The following ERG variants were observed in gnomAD, a reference collection of about 807,000 sequenced individuals.
ERG encodes transcriptional regulator ERG.
In ERG, 9 loss-of-function variants were observed where a neutral mutation model predicts 55.3. The ratio of observed to expected loss-of-function variants is 0.16; its 90% CI spans 0.10 to 0.28. The LOEUF (loss-of-function observed/expected upper bound fraction) is 0.28, where lower values mean the gene tolerates loss of function less well. Among genes scored for constraint, ERG ranks in the 10% least tolerant of loss-of-function variants. The pLI is 1.00. For missense variants in ERG, 434 were observed against 631.6 expected (o/e 0.69, Z 3.35); for synonymous variants, 223 against 237.3 (o/e 0.94, Z 0.55).
intron 1 of ERG, among the ~76,000 whole-genome samples, chr21:38,452,092 C>A (rs1383535490): frequency 6.6e-6 from 1 of 152,148 alleles, no homozygotes; most frequent in Non-Finnish European, 1.5e-5. Context: ...GGATTAACCT[C>A]AAAGGAAAAA....
chr21:38,572,587 C>A (rs2059965914), intron 2 of ERG, among the ~76,000 whole-genome samples: 1 of 152,076 alleles, frequency 6.6e-6, no homozygotes, highest in Non-Finnish European at 1.5e-5. Flanking sequence ...TATTCGAATT[C>A]TAATTGGTGG....
At chr21:38,442,860 T>G (rs1601409129) in intron 2 of ERG, among the ~76,000 whole-genome samples, 1 of 152,286 alleles carries the variant, frequency 6.6e-6, no homozygotes, top group East Asian at 1.9e-4. Context: ...CAGGCTGGAG[T>G]GCAGTGGCGC....
intron 1 of ERG, among the ~76,000 whole-genome samples, chr21:38,466,570 G>C (rs1022360241): frequency 6.6e-6 from 1 of 151,830 alleles, no homozygotes; most frequent in Non-Finnish European, 1.5e-5. Context: ...AGTGAGGGGG[G>C]GTCTATGTTG....
the ERG span, among the ~76,000 whole-genome samples, chr21:38,372,244 A>G: frequency 3.4e-4 from 52 of 152,148 alleles, no homozygotes; most frequent in Non-Finnish European, 6.3e-4. Flanking sequence ...CTCACTAAAG[A>G]CAAGATTTGT....
At chr21:38,646,610 G>A (rs973371857) in intron 1 of ERG, among the ~76,000 whole-genome samples, 2 of 152,138 alleles carry the variant, frequency 1.3e-5, no homozygotes, top group Non-Finnish European at 2.9e-5. Flanking sequence ...GCTACAGGGC[G>A]TGGGTGGGTT....
intron 1 of ERG, among the ~76,000 whole-genome samples, chr21:38,463,449 T>A (rs2059061377): frequency 6.6e-6 from 1 of 152,218 alleles, no homozygotes; most frequent in Admixed American, 6.5e-5. Flanking sequence ...GGGCAGAGAC[T>A]TTTTTCTATT....
At chr21:38,480,412 C>T (rs1303295703) in intron 1 of ERG, among the ~76,000 whole-genome samples, 2 of 151,986 alleles carry the variant, frequency 1.3e-5, no homozygotes, top group East Asian at 3.9e-4. Flanking sequence ...CAGAAGGGAC[C>T]AACCCAGCCA....
intron 2 of ERG, among the ~76,000 whole-genome samples, chr21:38,544,376 G>A (rs1203128179): frequency 6.6e-6 from 1 of 152,132 alleles, no homozygotes; most frequent in African/African-American, 2.4e-5. Flanking sequence ...ACAGACCCTC[G>A]CTTGCAGAGA....
intron 6 of ERG, among the ~76,000 whole-genome samples, chr21:38,397,255 G>A (rs1988266228): frequency 6.6e-6 from 1 of 152,094 alleles, no homozygotes; most frequent in African/African-American, 2.4e-5. Context: ...GCAGTCAGGG[G>A]GCTCTGGAAT....
intron 2 of ERG, among the ~76,000 whole-genome samples, chr21:38,524,893 A>G (rs1170642354): frequency 6.6e-6 from 1 of 152,220 alleles, no homozygotes; most frequent in Non-Finnish European, 1.5e-5. Flanking sequence ...TGCTCTTGAA[A>G]GAGAATTCTC....
At chr21:38,453,815 G>A (rs567149569) in intron 1 of ERG, among the ~76,000 whole-genome samples, 347 of 151,204 alleles carry the variant, frequency 2.3e-3, no homozygotes, top group South Asian at 3.6e-3. Context: ...ACCCGGGAGG[G>A]GGAGGCTGCA....
intron 1 of ERG, among the ~76,000 whole-genome samples, chr21:38,475,428 G>A (rs1228513558): frequency 6.6e-6 from 1 of 152,172 alleles, no homozygotes; most frequent in Admixed American, 6.5e-5. Flanking sequence ...AATCAAAGCA[G>A]ATGGACCCTT....
chr21:38,496,856 G>GA (rs993436035), intron 1 of ERG, among the ~76,000 whole-genome samples: 140 of 151,820 alleles, frequency 9.2e-4, no homozygotes, highest in African/African-American at 3.3e-3. Flanking sequence ...AGTTTTTTGG[G>GA]AAAAAAAACC....
chr21:38,469,756 T>C (rs777207659), intron 1 of ERG, among the ~76,000 whole-genome samples: 20 of 152,346 alleles, frequency 1.3e-4, no homozygotes, highest in Non-Finnish European at 2.6e-4. Context: ...TTATTGTCTA[T>C]GTTAATAAAG....
At chr21:38,539,107 G>A (rs2059732662) in intron 2 of ERG, among the ~76,000 whole-genome samples, 1 of 152,194 alleles carries the variant, frequency 6.6e-6, no homozygotes, top group South Asian at 2.1e-4. Context: ...TAACGATGCT[G>A]AGGCTGTAAA....
chr21:38,498,547 C>A (rs2059398133), upstream of ERG: 3 of 1,351,862 alleles, frequency 2.2e-6, no homozygotes, highest in Non-Finnish European at 2.8e-6. The surrounding 1 kb of genome is among the most constrained non-coding windows in gnomAD (Gnocchi z 4.6). Context: ...TCCTGGCTGT[C>A]CAGCCCAAAG....
intron 2 of ERG, among the ~76,000 whole-genome samples, chr21:38,527,535 T>C (rs1416453222): frequency 6.6e-6 from 1 of 152,202 alleles, no homozygotes; most frequent in Non-Finnish European, 1.5e-5. Context: ...CCGCAGCTGA[T>C]GATGAACAGG....
intron 1 of ERG, among the ~76,000 whole-genome samples, chr21:38,627,076 A>G (rs1451587981): frequency 2.6e-5 from 4 of 152,140 alleles, no homozygotes; most frequent in Non-Finnish European, 5.9e-5. Context: ...GCATTTACAT[A>G]AAAAAATTTT....
chr21:38,443,989 C>G (rs536630505), intron 2 of ERG, among the ~76,000 whole-genome samples: 20 of 152,326 alleles, frequency 1.3e-4, no homozygotes, highest in African/African-American at 4.8e-4. Flanking sequence ...CAGACGCAAA[C>G]TGACTTCTCA....
Sources: gnomAD v4.1 joint callset for allele counts (sites outside exome capture counted in the v4.1 genomes callset) on GRCh38, gnomAD v4.1.1 for gene constraint, Gnocchi (gnomAD v3.1) non-coding constraint, MANE v1.5 for transcripts, NCBI Gene and HGNC (gene_info 2026-07-23, HGNC 2026-07-21) for gene names.